Variants in POU6F2 observed in about 807,000 individuals in gnomAD.
The protein encoded by POU6F2 is POU domain, class 6, transcription factor 2.
POU6F2 carries 31 observed loss-of-function variants against 71.3 expected under a neutral mutation model. That is an observed-to-expected ratio of 0.43 (90% CI 0.33 to 0.59). POU6F2 has a LOEUF of 0.59. Among genes scored for constraint, POU6F2 ranks in the 20% least tolerant of loss-of-function variants. POU6F2 has a pLI of 0.04. For missense variants in POU6F2, 783 were observed against 856.8 expected (o/e 0.91, Z 1.07); for synonymous variants, 347 against 355.7 (o/e 0.98, Z 0.27).
chr7:39,317,037 G>A (rs1427387162), intron 4 of POU6F2, among the ~76,000 whole-genome samples: 1 of 152,188 alleles, frequency 6.6e-6, no homozygotes, highest in Non-Finnish European at 1.5e-5. Flanking sequence ...TCTTCCCAAG[G>A]CAAGAATCAG....
intron 5 of POU6F2, among the ~76,000 whole-genome samples, chr7:39,400,116 G>A (rs1001675364): frequency 6.6e-5 from 10 of 152,272 alleles, no homozygotes; most frequent in African/African-American, 2.4e-4. Flanking sequence ...GGGGCTGCAA[G>A]TTCTATCCCC....
chr7:39,230,869 T>C (rs1212682775), intron 4 of POU6F2, among the ~76,000 whole-genome samples: 1 of 152,134 alleles, frequency 6.6e-6, no homozygotes, highest in Non-Finnish European at 1.5e-5. Context: ...CCAAATAGAT[T>C]TGTGTGCTAA....
chr7:39,221,577 G>A (rs767984254), intron 4 of POU6F2, among the ~76,000 whole-genome samples: 1 of 151,674 alleles, frequency 6.6e-6, no homozygotes, highest in Non-Finnish European at 1.5e-5. Context: ...AGTAGAGACC[G>A]GGGTTTCACC....
chr7:39,391,282 C>T, intron 5 of POU6F2, among the ~76,000 whole-genome samples: 1 of 152,086 alleles, frequency 6.6e-6, no homozygotes, highest in South Asian at 2.1e-4. Flanking sequence ...GTTTTTACTT[C>T]ATTTTCTATT....
intron 7 of POU6F2, among the ~76,000 whole-genome samples, chr7:39,434,497 T>C (rs771277395): frequency 2.1e-4 from 32 of 151,972 alleles, no homozygotes; most frequent in Non-Finnish European, 3.8e-4. Flanking sequence ...GTGCCTGGCA[T>C]ACAGTAAGCA....
At position 39,452,049 on chromosome 7, in the gene POU6F2, C is replaced by A. The variant is rs574939827; in HGVS notation, c.1489+348C>A. ...GCCACATAGCTCACAACTGAAATAACCAACAACAGGCACTCAGCTGGCAGG... is the reference window on the plus strand; with the variant it reads ...GCCACATAGCTCACAACTGAAATAAACAACAACAGGCACTCAGCTGGCAGG... On this transcript the variant is annotated intron_variant, in intron 8 of 9. Transcript: ENST00000518318. Among the ~76,000 whole-genome samples the A allele has an allele frequency of 1.2e-4, 18 of 152,330 alleles. No homozygotes were observed. In the South Asian group the frequency reaches 1.4e-3, roughly 12 times the overall value.
At chr7:39,141,124 G>A (rs1178011093) in intron 2 of POU6F2, among the ~76,000 whole-genome samples, 2 of 152,174 alleles carry the variant, frequency 1.3e-5, no homozygotes, top group Non-Finnish European at 2.9e-5. Flanking sequence ...CATTCAGGGG[G>A]TTGTGTTCTG....
At chr7:39,410,355 G>A (rs189673159) in intron 6 of POU6F2, among the ~76,000 whole-genome samples, 1 of 152,312 alleles carries the variant, frequency 6.6e-6, no homozygotes, top group African/African-American at 2.4e-5. Context: ...ACCCAGGGAT[G>A]TTAAAGGCTC....
At chr7:39,428,176 A>G (rs1788017135) in intron 6 of POU6F2, among the ~76,000 whole-genome samples, 1 of 152,244 alleles carries the variant, frequency 6.6e-6, no homozygotes, top group African/African-American at 2.4e-5. Context: ...TCTTATGGAA[A>G]TGGGGATCTT....
At chr7:39,344,376 A>G (rs1354503554) in intron 5 of POU6F2, among the ~76,000 whole-genome samples, 4 of 152,162 alleles carry the variant, frequency 2.6e-5, no homozygotes, top group African/African-American at 7.2e-5. Context: ...CAGGCACAGC[A>G]GAGTAAAACT....
intron 1 of POU6F2, among the ~76,000 whole-genome samples, chr7:39,041,573 G>A (rs1236837334): frequency 6.6e-6 from 1 of 151,708 alleles, no homozygotes; most frequent in Non-Finnish European, 1.5e-5. Flanking sequence ...ACTTTTTTAT[G>A]TTTATTGGTC....
At chr7:39,261,110 T>C (rs1054396110) in intron 4 of POU6F2, among the ~76,000 whole-genome samples, 1 of 151,232 alleles carries the variant, frequency 6.6e-6, no homozygotes, top group African/African-American at 2.4e-5. Flanking sequence ...CACAGATCTG[T>C]CTCCTGCTTC....
chr7:39,162,994 A>T (rs1449566271), intron 2 of POU6F2, among the ~76,000 whole-genome samples: 1 of 152,134 alleles, frequency 6.6e-6, no homozygotes. Context: ...ACTCTGGAGA[A>T]TCTCTATCAT....
At chr7:39,151,016 G>C (rs1012894066) in intron 2 of POU6F2, among the ~76,000 whole-genome samples, 2 of 151,676 alleles carry the variant, frequency 1.3e-5, no homozygotes, top group Non-Finnish European at 2.9e-5. Context: ...ATTTATTCTT[G>C]GTGAACTATG....
chr7:39,339,839 G>C lies in POU6F2; in HGVS notation c.796G>C (p.Ala266Pro). 1 of 1,599,342 alleles carries C rather than the reference G, an allele frequency of 6.3e-7. No individual in the cohort carries two copies. Among genetic ancestry groups the C allele is most frequent in the Non-Finnish European group, 8.5e-7 (1 of 1,173,250 alleles). The change falls in exon 5 of 10, where the codon GCT becomes CCT. Residue 266 changes from alanine to proline, a missense_variant. Ala to Pro is a conservative substitution (Grantham distance 27). This residue lies in a region of POU6F2 where 572 missense variants were observed against 572.9 expected (regional missense o/e 1.00). Transcript: ENST00000518318. Reference protein sequence around the residue: ...QPPPASQQPPAPTSQLQQAPQ... With the variant: ...QPPPASQQPPPPTSQLQQAPQ... ...ACCACCCGCCTCTCAGCAGCCGCCA[G>C]CTCCTACATCTCAGCTGCAACAGGC...
Position 39,131,781 on chromosome 7 carries a change from T to C in POU6F2, c.277+45750T>C, listed in dbSNP as rs1406216235. On this transcript the variant is annotated intron_variant, in intron 2 of 9. Transcript: ENST00000518318. ...TTCTCCTGCACAGTGGAGAGGCTCC[T>C]TTGACTGGCTAGAGAGTGATTTGCT... 2.0e-5 allele frequency among the ~76,000 whole-genome samples: 3 copies of C among 152,216 alleles called. No individual in the cohort carries two copies. In the East Asian group the frequency reaches 5.8e-4, roughly 29 times the overall value.
At chr7:39,145,069 T>C (rs1792588687) in intron 2 of POU6F2, among the ~76,000 whole-genome samples, 1 of 152,224 alleles carries the variant, frequency 6.6e-6, no homozygotes, top group South Asian at 2.1e-4. Context: ...AATTTTTTAG[T>C]GGCACCTTCT....
chr7:39,177,993 C>T (rs774557179), intron 2 of POU6F2, among the ~76,000 whole-genome samples: 7 of 152,128 alleles, frequency 4.6e-5, no homozygotes, highest in African/African-American at 1.2e-4. Context: ...TGGTGGATCA[C>T]GCCTGTAATC....
chr7:39,211,101 T>A (rs1238961220), intron 4 of POU6F2, among the ~76,000 whole-genome samples: 1 of 152,122 alleles, frequency 6.6e-6, no homozygotes, highest in Non-Finnish European at 1.5e-5. Flanking sequence ...AGGCACTAAT[T>A]TCGTCATGAG....
Sources: allele counts gnomAD v4.1 joint callset (sites outside exome capture counted in the v4.1 genomes callset), GRCh38; gene constraint gnomAD v4.1.1; regional missense constraint gnomAD v4.1.1; transcripts MANE v1.5; gene names NCBI Gene and HGNC (gene_info 2026-07-23, HGNC 2026-07-21).